SDCCAG8: variants seen among roughly 807,000 people sequenced by gnomAD.
The protein encoded by SDCCAG8 is SHH signaling and ciliogenesis regulator SDCCAG8, also known as serologically defined colon cancer antigen 8.
SDCCAG8 carries 74 observed loss-of-function variants against 101.8 expected under a neutral mutation model. The ratio of observed to expected loss-of-function variants is 0.73; its 90% CI spans 0.60 to 0.88. The LOEUF (loss-of-function observed/expected upper bound fraction) is 0.88, where lower values mean the gene tolerates loss of function less well. Among genes scored for constraint, SDCCAG8 ranks in the 40% least tolerant of loss-of-function variants. The pLI, the probability that SDCCAG8 is intolerant of heterozygous loss-of-function variation, is 0.00. For missense variants in SDCCAG8, 787 were observed against 822.6 expected (o/e 0.96, Z 0.53); for synonymous variants, 281 against 292.9 (o/e 0.96, Z 0.41).
chr1:243,371,677 C>G (rs2077298498), intron 12 of SDCCAG8, among the ~76,000 whole-genome samples: 2 of 152,076 alleles, frequency 1.3e-5, no homozygotes, highest in Admixed American at 1.3e-4. Context: ...TTGGCTGTTT[C>G]TAAAATGAGT....
At chr1:243,466,146 A>G (rs1660103111) in intron 16 of SDCCAG8, among the ~76,000 whole-genome samples, 1 of 152,252 alleles carries the variant, frequency 6.6e-6, no homozygotes, top group South Asian at 2.1e-4. Flanking sequence ...TGGGGGCCCC[A>G]GTTAACACCC....
intron 16 of SDCCAG8, among the ~76,000 whole-genome samples, chr1:243,462,218 C>T (rs1347319624): frequency 2.0e-5 from 3 of 152,222 alleles, no homozygotes; most frequent in Non-Finnish European, 2.9e-5. Context: ...ACTCAAGTCA[C>T]CTGGCTCAAC....
At chr1:243,351,851 G>T (rs2076096343) in intron 12 of SDCCAG8, among the ~76,000 whole-genome samples, 1 of 152,030 alleles carries the variant, frequency 6.6e-6, no homozygotes, top group South Asian at 2.1e-4. Context: ...TCATCATGTT[G>T]GTAAAATCAC....
At chr1:243,406,488 C>A (rs2079793201) in intron 13 of SDCCAG8, among the ~76,000 whole-genome samples, 1 of 152,178 alleles carries the variant, frequency 6.6e-6, no homozygotes, top group Non-Finnish European at 1.5e-5. Flanking sequence ...AGAAATTGCT[C>A]TTACTATTGC....
intron 1 of SDCCAG8, among the ~76,000 whole-genome samples, chr1:243,262,070 A>G (rs1295551434): frequency 6.6e-6 from 1 of 151,452 alleles, no homozygotes; most frequent in Non-Finnish European, 1.5e-5. Flanking sequence ...TTGGCCTCCC[A>G]AAGTGCTGGG....
chr1:243,295,700 A>G (rs898779947), intron 6 of SDCCAG8, among the ~76,000 whole-genome samples: 1 of 152,068 alleles, frequency 6.6e-6, no homozygotes, highest in Non-Finnish European at 1.5e-5. Flanking sequence ...CCCTCTACCT[A>G]TTGAAATGTT....
chr1:243,399,749 G>C (rs1019711426), intron 13 of SDCCAG8, among the ~76,000 whole-genome samples: 1 of 152,076 alleles, frequency 6.6e-6, no homozygotes, highest in African/African-American at 2.4e-5. Flanking sequence ...AGGCTCAAGC[G>C]ATCACCTGCC....
chr1:243,455,020 A>G (rs1420924534), intron 16 of SDCCAG8, among the ~76,000 whole-genome samples: 1 of 152,228 alleles, frequency 6.6e-6, no homozygotes, highest in Non-Finnish European at 1.5e-5. Context: ...CAAAAGCAAT[A>G]TTAATTTTGA....
intron 16 of SDCCAG8, among the ~76,000 whole-genome samples, chr1:243,430,205 A>G (rs560591134): frequency 6.6e-6 from 1 of 152,306 alleles, no homozygotes; most frequent in South Asian, 2.1e-4. Flanking sequence ...CAGTGGGATT[A>G]GATCAGGAAT....
At chr1:243,372,950 C>CTA (rs879833144) in intron 12 of SDCCAG8, among the ~76,000 whole-genome samples, 5,082 of 131,658 alleles carry the variant, frequency 0.039, 113 homozygotes, top group South Asian at 0.072. Flanking sequence ...ATATCTATAT[C>CTA]TATCTATATA....
chr1:243,366,264 T>A (rs2076985721), intron 12 of SDCCAG8, among the ~76,000 whole-genome samples: 5 of 152,028 alleles, frequency 3.3e-5, no homozygotes. Context: ...TATTTGAAAG[T>A]GCCTGTCATT....
chr1:243,364,593 C>G (rs2076891593), intron 12 of SDCCAG8, among the ~76,000 whole-genome samples: 1 of 152,114 alleles, frequency 6.6e-6, no homozygotes, highest in Admixed American at 6.5e-5. Flanking sequence ...ATGGTCTGAA[C>G]TATTAAGTGA....
intron 16 of SDCCAG8, among the ~76,000 whole-genome samples, chr1:243,440,392 C>A (rs572350910): frequency 1.7e-4 from 26 of 152,254 alleles, no homozygotes; most frequent in African/African-American, 6.0e-4. Context: ...AGACAGGACC[C>A]TGCTTTTGTC....
rs551485227 is a variant in SDCCAG8, at chr1:243,411,186, T to G, written c.1617-4516T>G. 3.3e-5 allele frequency among the ~76,000 whole-genome samples: 5 copies of G among 152,278 alleles called. No individual in the cohort carries two copies. In the East Asian group the frequency reaches 9.6e-4, roughly 29 times the overall value. On this transcript the variant is annotated intron_variant, in intron 13 of 17. Transcript: ENST00000366541. Reference sequence around the variant, plus strand: ...TGGAGTGCAGTGGTGTAGTTATGGCTCACTGTAGCCTCAACCTCCCTGGGC... The same window carrying G: ...TGGAGTGCAGTGGTGTAGTTATGGCGCACTGTAGCCTCAACCTCCCTGGGC...
At chr1:243,338,410 C>T (rs1363674078) in intron 10 of SDCCAG8, among the ~76,000 whole-genome samples, 1 of 151,784 alleles carries the variant, frequency 6.6e-6, no homozygotes, top group East Asian at 1.9e-4. Flanking sequence ...TTTTATTCCT[C>T]CCTTACTTTT....
At chr1:243,287,535 G>C (rs1344817058) in intron 5 of SDCCAG8, among the ~76,000 whole-genome samples, 2 of 151,878 alleles carry the variant, frequency 1.3e-5, no homozygotes, top group Non-Finnish European at 2.9e-5. Context: ...GGGCTAATTA[G>C]TATTTCAGTT....
chr1:243,359,660 C>T (rs2076584746), intron 12 of SDCCAG8, among the ~76,000 whole-genome samples: 3 of 152,148 alleles, frequency 2.0e-5, no homozygotes, highest in Admixed American at 1.3e-4. Context: ...CTGTAAGGTC[C>T]TTAAAGTCAG....
At chr1:243,441,954 G>A (rs1359610619) in intron 16 of SDCCAG8, among the ~76,000 whole-genome samples, 4 of 152,084 alleles carry the variant, frequency 2.6e-5, no homozygotes, top group Non-Finnish European at 5.9e-5. Flanking sequence ...ATTCTGTGCT[G>A]TTATAACATC....
At chr1:243,317,601 G>A (rs984397236) in intron 9 of SDCCAG8, among the ~76,000 whole-genome samples, 8 of 152,184 alleles carry the variant, frequency 5.3e-5, no homozygotes, top group East Asian at 1.9e-4. Context: ...GATTACAGGC[G>A]TGAGCCACTG....
Sources: allele counts gnomAD v4.1 joint callset (sites outside exome capture counted in the v4.1 genomes callset), GRCh38; gene constraint gnomAD v4.1.1; transcripts MANE v1.5; gene names NCBI Gene and HGNC (gene_info 2026-07-23, HGNC 2026-07-21).